Variants in CNBD1 observed in about 807,000 individuals in gnomAD.
The protein encoded by CNBD1 is cyclic nucleotide binding domain containing 1, also known as cyclic nucleotide-binding domain-containing protein 1.
In CNBD1, 71 loss-of-function variants were observed where a neutral mutation model predicts 54.4. That is an observed-to-expected ratio of 1.30 (90% CI 1.08 to 1.59). The LOEUF is 1.59. Ranked by LOEUF, CNBD1 falls within the 40% of genes most tolerant of loss-of-function variation. The pLI is 0.00. For synonymous variants in CNBD1, 182 were observed against 170.7 expected (o/e 1.07, Z -0.51); for missense variants, 659 against 518.0 (o/e 1.27, Z -2.64).
chr8:87,298,738 C>T (rs956461772), intron 8 of CNBD1, among the ~76,000 whole-genome samples: 5 of 151,792 alleles, frequency 3.3e-5, no homozygotes, highest in Non-Finnish European at 2.9e-5. Flanking sequence ...CCTTCCTCGG[C>T]CTCCCAAAGT....
chr8:87,180,394 A>G (rs1314106369), intron 4 of CNBD1, among the ~76,000 whole-genome samples: 1 of 152,118 alleles, frequency 6.6e-6, no homozygotes, highest in Non-Finnish European at 1.5e-5. Flanking sequence ...GTTTCACCAA[A>G]ATAAGCCTAA....
intron 8 of CNBD1, among the ~76,000 whole-genome samples, chr8:87,323,164 A>C (rs1346125666): frequency 8.1e-6 from 1 of 124,000 alleles, no homozygotes; most frequent in Non-Finnish European, 1.8e-5. Context: ...ATTGATCTAT[A>C]TCTCTGTTTT....
chr8:87,422,627 A>G (rs933413143), intron 2 of CNBD1, among the ~76,000 whole-genome samples: 17 of 152,004 alleles, frequency 1.1e-4, no homozygotes, highest in African/African-American at 3.6e-4. Context: ...TGTTCCATTG[A>G]TCTATAGCTC....
intron 4 of CNBD1, among the ~76,000 whole-genome samples, chr8:87,188,355 T>G (rs1423292924): frequency 6.6e-6 from 1 of 152,188 alleles, no homozygotes; most frequent in Non-Finnish European, 1.5e-5. Context: ...AAGGACAAGG[T>G]CTGTCTCTAT....
chr8:86,951,160 T>A (rs1807608043), intron 4 of CNBD1, among the ~76,000 whole-genome samples: 1 of 152,220 alleles, frequency 6.6e-6, no homozygotes, highest in Non-Finnish European at 1.5e-5. Flanking sequence ...CAGAAGCTGA[T>A]TCTTAAGCTA....
chr8:87,037,872 C>G (rs770284608), intron 4 of CNBD1, among the ~76,000 whole-genome samples: 8 of 152,106 alleles, frequency 5.3e-5, no homozygotes, highest in Non-Finnish European at 1.0e-4. Flanking sequence ...AATGTTCATT[C>G]AAAATTGTGC....
At chr8:87,149,367 G>A (rs968874702) in intron 4 of CNBD1, among the ~76,000 whole-genome samples, 13 of 152,248 alleles carry the variant, frequency 8.5e-5, no homozygotes, top group African/African-American at 3.1e-4. Flanking sequence ...TCGAGATGAA[G>A]GGTTGCATAA....
At chr8:87,019,849 A>G (rs181644704) in intron 4 of CNBD1, among the ~76,000 whole-genome samples, 1 of 152,282 alleles carries the variant, frequency 6.6e-6, no homozygotes, top group African/African-American at 2.4e-5. Context: ...CTGTCACTTC[A>G]GTCTGGGCAA....
chr8:87,009,595 C>T (rs1317166754), intron 4 of CNBD1, among the ~76,000 whole-genome samples: 2 of 152,128 alleles, frequency 1.3e-5, no homozygotes, highest in African/African-American at 4.8e-5. Flanking sequence ...AGCCACCACA[C>T]CTGGCCCCCC....
chr8:87,267,102 C>T (rs1808274185), intron 6 of CNBD1, among the ~76,000 whole-genome samples: 1 of 152,090 alleles, frequency 6.6e-6, no homozygotes, highest in South Asian at 2.1e-4. Flanking sequence ...ATATCTGCAT[C>T]ATACACAAAT....
chr8:86,954,379 T>C (rs1174546181), intron 4 of CNBD1, among the ~76,000 whole-genome samples: 2 of 152,190 alleles, frequency 1.3e-5, no homozygotes, highest in African/African-American at 4.8e-5. Context: ...GAAAACCTTG[T>C]TGTGTTTTTA....
intron 4 of CNBD1, among the ~76,000 whole-genome samples, chr8:86,974,030 A>G (rs1370196653): frequency 3.3e-5 from 5 of 152,086 alleles, no homozygotes. Context: ...TTACAATGGA[A>G]AATATACCCC....
At chr8:87,047,764 C>G (rs1426847696) in intron 4 of CNBD1, among the ~76,000 whole-genome samples, 3 of 152,098 alleles carry the variant, frequency 2.0e-5, no homozygotes, top group Non-Finnish European at 4.4e-5. Flanking sequence ...CTGGGGGGGT[C>G]TATGGAGTTA....
At chr8:87,356,949 C>T (rs563403563) in intron 10 of CNBD1, among the ~76,000 whole-genome samples, 1 of 152,252 alleles carries the variant, frequency 6.6e-6, no homozygotes, top group South Asian at 2.1e-4. Context: ...GGACGCTGCT[C>T]TCAGAATCTG....
At chr8:87,338,110 A>C (rs980684325) in intron 8 of CNBD1, among the ~76,000 whole-genome samples, 2 of 152,130 alleles carry the variant, frequency 1.3e-5, no homozygotes, top group African/African-American at 4.8e-5. Flanking sequence ...ACTTAAACCT[A>C]ATCTGATTCT....
intron 10 of CNBD1, among the ~76,000 whole-genome samples, chr8:87,376,557 G>A (rs185026661): frequency 7.9e-5 from 12 of 152,000 alleles, no homozygotes; most frequent in Admixed American, 7.9e-4. Flanking sequence ...TGACAGATGT[G>A]AAACCACATA....
At chr8:87,229,293 C>T (rs1469957412) in intron 5 of CNBD1, among the ~76,000 whole-genome samples, 2 of 151,948 alleles carry the variant, frequency 1.3e-5, no homozygotes, top group East Asian at 1.9e-4. Flanking sequence ...TTCTTAAATG[C>T]TGGTTTTTTT....
chr8:87,060,257 G>T (rs897436055), intron 4 of CNBD1, among the ~76,000 whole-genome samples: 1 of 152,216 alleles, frequency 6.6e-6, no homozygotes, highest in East Asian at 1.9e-4. Context: ...TATAGGAACT[G>T]GGGCACAATA....
chr8:87,406,482 T>TACACACACACACAC (rs1563589764), intron 2 of CNBD1, among the ~76,000 whole-genome samples: 91 of 143,022 alleles, frequency 6.4e-4, no homozygotes, highest in African/African-American at 2.3e-3. Flanking sequence ...ACACACACTT[T>TACACACACACACAC]TTTTTTTTTT....
Sources: allele counts gnomAD v4.1 joint callset (sites outside exome capture counted in the v4.1 genomes callset), GRCh38; gene constraint gnomAD v4.1.1; transcripts MANE v1.5; gene names NCBI Gene and HGNC (gene_info 2026-07-23, HGNC 2026-07-21).